LAMB4: variants seen among roughly 807,000 people sequenced by gnomAD.
LAMB4 encodes the protein laminin subunit beta 4.
Under a neutral mutation model 199.2 loss-of-function variants are expected in LAMB4, and 196 were observed. The observed-to-expected ratio is 0.98, with a 90% CI of 0.88 to 1.11. The LOEUF is 1.11. Among genes scored for constraint, LAMB4 ranks in the 50% least tolerant of loss-of-function variants. The pLI is 0.00. For synonymous variants in LAMB4, 744 were observed against 770.6 expected, an observed-to-expected ratio of 0.97 and a Z score of 0.57; for missense variants, 2,080 against 2,171.2, an observed-to-expected ratio of 0.96 and a Z score of 0.83.
At position 108,103,051 on chromosome 7, in the gene LAMB4, C is replaced by A; in HGVS notation, c.1173G>T (p.Ala391=). The A allele has an allele frequency of 1.3e-6, 2 of 1,588,282 alleles. No individual in the cohort carries two copies. The highest frequency in any genetic ancestry group is 1.1e-5 in the South Asian group (1 of 88,836). ...DPLKTISDPY[A]CIPCECDPDG... ...GCAGACCCGGGGACTCACGAATGCA[C>A]GCGTAGGGATCTGAGATGGTCTTGA... Residue 391 remains alanine (A), a synonymous_variant, in exon 10 of 34, where the codon GCG becomes GCT. Coordinates refer to ENST00000388781, the MANE Select transcript of LAMB4 (RefSeq NM_007356.3).
In LAMB4 at chr7:108,098,431, T is replaced by G; in HGVS notation, c.1332A>C (p.Leu444=). ...CDQCKPNHYG[L]SATDPLGCQP... is the part of the protein sequence containing the mutation. ...GGCAGCCCAGGGGGTCGGTGGCGCT[T>G]AGTCCGTAGTGGTTGGGTTTGCACT... The change falls in exon 11 of 34, where the codon CTA becomes CTC. Residue 444 remains leucine (L), a synonymous_variant. Transcript: ENST00000388781. The G allele has an allele frequency of 6.5e-7, 1 of 1,531,168 alleles. No individual in the cohort carries two copies. Among genetic ancestry groups the G allele is most frequent in the South Asian group, 1.1e-5 (1 of 88,386 alleles). The allele number at this position is 1,531,168 out of a possible 1,614,324, so 94.8% of individuals were successfully genotyped here.
intron 16 of LAMB4, among the ~76,000 whole-genome samples, chr7:108,077,463 G>C (rs1430999151): frequency 6.6e-6 from 1 of 152,170 alleles, no homozygotes; most frequent in Non-Finnish European, 1.5e-5. Context: ...GGGAGGCCAA[G>C]GTGGGCAGAT....
chr7:108,077,406 T>C (rs1431715942), intron 16 of LAMB4, among the ~76,000 whole-genome samples: 1 of 151,786 alleles, frequency 6.6e-6, no homozygotes, highest in Middle Eastern at 3.4e-3. Flanking sequence ...AAAAAAAAAA[T>C]TTTTGCGGCA....
intron 3 of LAMB4, among the ~76,000 whole-genome samples, chr7:108,113,755 A>C (rs2038312394): frequency 6.6e-6 from 1 of 152,204 alleles, no homozygotes; most frequent in Non-Finnish European, 1.5e-5. Context: ...ACTAAATGTG[A>C]GTTCCATCTT....
intron 33 of LAMB4, among the ~76,000 whole-genome samples, chr7:108,025,857 G>A (rs1002420574): frequency 6.6e-6 from 1 of 152,228 alleles, no homozygotes; most frequent in African/African-American, 2.4e-5. Context: ...GGTTACACCA[G>A]ACCCATTCGC....
At chr7:108,034,433 A>C in intron 30 of LAMB4, 87 bp from the exon 31 acceptor site, 1 of 1,002,796 alleles carries the variant, frequency 1.0e-6, no homozygotes, top group Non-Finnish European at 1.5e-6. Context: ...GACTCAACCA[A>C]ATACTTTACT....
chr7:108,120,884 A>AT (rs548074359), intron 2 of LAMB4, among the ~76,000 whole-genome samples: 17 of 151,598 alleles, frequency 1.1e-4, no homozygotes, highest in South Asian at 2.1e-4. Flanking sequence ...TTTTGTCAGA[A>AT]TTTTTTTTTC....
At chr7:108,024,593 C>T (rs544557880) in intron 33 of LAMB4, among the ~76,000 whole-genome samples, 1 of 152,188 alleles carries the variant, frequency 6.6e-6, no homozygotes, top group East Asian at 1.9e-4. Context: ...GTGTTGATTC[C>T]TCCCTGCTGA....
At chr7:108,121,468 G>A (rs1331824534) in intron 2 of LAMB4, among the ~76,000 whole-genome samples, 2 of 152,106 alleles carry the variant, frequency 1.3e-5, no homozygotes, top group African/African-American at 2.4e-5. Flanking sequence ...CCAAGAATGC[G>A]GCCTGGCACG....
At chr7:108,112,046 C>A in intron 3 of LAMB4, 100 bp from the exon 4 acceptor site, 1 of 912,612 alleles carries the variant, frequency 1.1e-6, no homozygotes. Context: ...GTCTTCCAAA[C>A]TGGCTAAAAA....
At chr7:108,048,234 G>A in intron 27 of LAMB4, 123 bp from the exon 28 acceptor site, 1 of 729,934 alleles carries the variant, frequency 1.4e-6, no homozygotes, top group South Asian at 1.9e-5. Flanking sequence ...GCGTGACCTT[G>A]GCTCACTGCA....
chr7:108,052,069 C>G (rs2035843795), intron 26 of LAMB4, 28 bp downstream of exon 26: 1 of 1,576,630 alleles, frequency 6.3e-7, no homozygotes, highest in Non-Finnish European at 8.6e-7. Context: ...TTTGTGCAGA[C>G]ACAGTCAAAA....
intron 14 of LAMB4, among the ~76,000 whole-genome samples, chr7:108,080,725 CAGAAATGTAAATA>C (rs2036898212): frequency 6.6e-6 from 1 of 151,578 alleles, no homozygotes; most frequent in Non-Finnish European, 1.5e-5. Context: ...GCATCTGAGG[CAGAAATGTAAATA>C]AGAAATTGTG....
intron 12 of LAMB4, among the ~76,000 whole-genome samples, chr7:108,093,212 G>C (rs1001598578): frequency 2.0e-5 from 3 of 151,938 alleles, no homozygotes; most frequent in African/African-American, 7.3e-5. Context: ...GATTACAGGC[G>C]CCTGCCACCA....
intron 31 of LAMB4, among the ~76,000 whole-genome samples, chr7:108,031,576 C>T (rs981751111): frequency 1.3e-5 from 2 of 151,928 alleles, no homozygotes; most frequent in African/African-American, 4.8e-5. Flanking sequence ...AGCATTTTTT[C>T]TACAACCTAT....
chr7:108,068,217 C>T (rs1426357492), intron 18 of LAMB4, 58 bp from the exon 19 acceptor site: 26 of 1,574,362 alleles, frequency 1.7e-5, no homozygotes, highest in Non-Finnish European at 2.2e-5. Flanking sequence ...AAGCACCTCA[C>T]CTTGTTAGTA....
Position 108,062,972 on chromosome 7 carries a change from G to A in LAMB4, c.3084C>T (p.Gly1028=), listed in dbSNP as rs151001135. The change falls in exon 23 of 34, where the codon GGC becomes GGT. Residue 1028 remains glycine (G), a synonymous_variant. Transcript: ENST00000388781. The part of the protein sequence containing the change: ...TCRRCSCHAS[G]VSPMECPPGG... ...CAGGGGGACACTCCATGGGACTCAC[G>A]CCGGAAGCATGGCAGGAGCATCCTG... 61 of 1,577,200 alleles carry A rather than the reference G, an allele frequency of 3.9e-5. No homozygotes were observed. Among genetic ancestry groups the A allele is most frequent in the African/African-American group, 9.6e-5 (7 of 73,078 alleles).
chr7:108,068,204 G>A, intron 18 of LAMB4, 45 bp from the exon 19 acceptor site: 1 of 1,604,138 alleles, frequency 6.2e-7, no homozygotes, highest in Non-Finnish European at 8.5e-7. Context: ...TGAAGAGGCA[G>A]AGAAGCACCT....
intron 31 of LAMB4, 133 bp from the exon 32 acceptor site, chr7:108,031,112 G>T: frequency 1.7e-6 from 1 of 593,656 alleles, no homozygotes; most frequent in Admixed American, 3.3e-5. Context: ...TTTTTCTGTT[G>T]CATTTATTTA....
Sources: allele counts gnomAD v4.1 joint callset (sites outside exome capture counted in the v4.1 genomes callset), GRCh38; gene constraint gnomAD v4.1.1; transcripts MANE v1.5; gene names NCBI Gene and HGNC (gene_info 2026-07-23, HGNC 2026-07-21).